Variants in AHNAK2 observed in about 807,000 individuals in gnomAD.
The protein encoded by AHNAK2 is protein AHNAK2.
A neutral mutation model predicts 30.7 loss-of-function variants in AHNAK2; 18 were observed. The observed-to-expected ratio is 0.59, with a 90% CI of 0.41 to 0.87. The LOEUF (loss-of-function observed/expected upper bound fraction) is 0.87. Among genes scored for constraint, AHNAK2 ranks in the 40% least tolerant of loss-of-function variants. AHNAK2 has a pLI of 0.00. For missense variants in AHNAK2, 8,604 were observed against 7,373.0 expected (o/e 1.17, Z -6.11); for synonymous variants, 3,590 against 3,073.8 (o/e 1.17, Z -5.56).
Position 104,938,417 on chromosome 14 carries a change from C to A in AHNAK2, c.17034G>T (p.Gln5678His). ...DVQRSAPIQT[Q>H]PEARPEAELP... The stretch of plus-strand genomic sequence containing the variant: ...GTTCTGCCTCTGGTCGTGCCTCAGG[C>A]TGTGTTTGAATGGGAGCAGATCTCT... The change falls in exon 7 of 7, where the codon CAG becomes CAT. Residue 5678 changes from glutamine (Q) to histidine (H), a missense_variant. Gln to His is a conservative substitution (Grantham distance 24). Transcript: ENST00000333244. The A allele has an allele frequency of 1.9e-6, 3 of 1,613,926 alleles. No individual in the cohort carries two copies. Among genetic ancestry groups the A allele is most frequent in the Non-Finnish European group, 2.5e-6 (3 of 1,179,874 alleles).
At chr14:104,967,619 C>T (rs886066774) in intron 1 of AHNAK2, among the ~76,000 whole-genome samples, 5 of 152,236 alleles carry the variant, frequency 3.3e-5, no homozygotes, top group Admixed American at 6.5e-5. Context: ...GCACTGGGAG[C>T]GGCTGTTCCT....
rs1357374436 is a variant in AHNAK2 at position 104,947,985 on chromosome 14, T to C, written c.7466A>G (p.Lys2489Arg). The C allele has an allele frequency of 1.6e-5, 25 of 1,612,266 alleles. No individual in the cohort carries two copies. The highest frequency in any genetic ancestry group is 2.0e-5 in the Non-Finnish European group (24 of 1,179,522). Reference sequence around the variant, plus strand: ...GGCAGACACCCCGAATGACGGCATCTTGAACTTGGGAATTTTGAACCTGCT... The same window carrying C: ...GGCAGACACCCCGAATGACGGCATCCTGAACTTGGGAATTTTGAACCTGCT... ...KDSRFKIPKF[K>R]MPSFGVSAPG... Residue 2489 changes from lysine (K) to arginine (R), a missense_variant, in exon 7 of 7, where the codon AAG becomes AGG. Transcript: ENST00000333244.
rs373901683 is a variant in AHNAK2, at chr14:104,949,431, A to G, written c.6020T>C (p.Ile2007Thr). The change falls in exon 7 of 7, where the codon ATC (isoleucine) becomes ACC (threonine). Residue 2007 changes from isoleucine to threonine, a missense_variant. Physicochemically the swap from Ile to Thr is moderately conservative, Grantham distance 89. Coordinates refer to ENST00000333244, the MANE Select transcript of AHNAK2 (RefSeq NM_138420.4). ...SFGVSAPGRS[I>T]EASVDVPAPK... Reference sequence around the variant, plus strand: ...TGCAGGCACATCCACCGAGGCCTCGATGGACCTCCCTGGGGCCGATACCCC... The same window carrying G: ...TGCAGGCACATCCACCGAGGCCTCGGTGGACCTCCCTGGGGCCGATACCCC... 71 of 1,586,798 alleles carry G rather than the reference A, an allele frequency of 4.5e-5. 3 individuals carry two copies. The Middle Eastern group carries it at 1.0e-3, about 22-fold the overall frequency.
Position 104,939,647 on chromosome 14 carries a change from A to G in AHNAK2, c.15804T>C (p.Ile5268=), listed in dbSNP as rs773577851. 1 of 1,613,898 alleles carries G rather than the reference A, an allele frequency of 6.2e-7. No individual in the cohort carries two copies. Among genetic ancestry groups the G allele is most frequent in the Non-Finnish European group, 8.5e-7 (1 of 1,179,906 alleles). The part of the protein sequence containing the change: ...TASESKSSTD[I]LRCDLDSTGL... ...CTGTGCTGTCAAGATCACACCTTAG[A>G]ATATCTGTGGATGATTTGCTCTCAG... is the stretch of plus-strand genomic sequence containing the variant. Residue 5268 remains isoleucine (I), a synonymous_variant, in exon 7 of 7, where the codon ATT becomes ATC. Transcript: ENST00000333244.
intron 4 of AHNAK2, 113 bp from the exon 5 acceptor site, chr14:104,955,746 C>T: frequency 1.4e-6 from 2 of 1,404,852 alleles, no homozygotes; most frequent in South Asian, 1.4e-5. Flanking sequence ...TTTCCATCAG[C>T]CCAGACAACA....
chr14:104,963,091 A>G (rs933946234), intron 1 of AHNAK2, among the ~76,000 whole-genome samples: 4 of 152,244 alleles, frequency 2.6e-5, no homozygotes, highest in African/African-American at 9.6e-5. Context: ...TATCTGGCAA[A>G]GGACTTGCAT....
rs1167150250 is a variant in AHNAK2, at chr14:104,938,911, G to T, written c.16540C>A (p.Pro5514Thr). 6.2e-7 allele frequency: 1 copy of T among 1,613,696 alleles called. No homozygotes were observed. The change falls in exon 7 of 7, where the codon CCT (proline) becomes ACT (threonine). Residue 5514 changes from proline (P) to threonine (T), a missense_variant. Coordinates refer to ENST00000333244, the MANE Select transcript of AHNAK2 (RefSeq NM_138420.4). The stretch of plus-strand genomic sequence containing the variant: ...TTTAATAAGGAAAATCCGTACGAAG[G>T]TGTTTGAATCTCTGACGTGGGGATC... ...SEIPTSEIQT[P>T]SYGFSLLKVK...
chr14:104,951,965 C>G lies in AHNAK2; in HGVS notation c.3486G>C (p.Arg1162Ser). 1.9e-6 allele frequency: 3 copies of G among 1,612,184 alleles called. 1 individual carries two copies. The highest frequency in any genetic ancestry group is 2.5e-6 in the Non-Finnish European group (3 of 1,179,362). Residue 1162 changes from arginine (R) to serine (S), a missense_variant, in exon 7 of 7, where the codon AGG (arginine) becomes AGC (serine). By Grantham distance (110) the Arg-to-Ser change is moderately radical. Transcript: ENST00000333244. ...GCATCTTGAACTTGGGCATTTTGAA[C>G]CTGCTGTCTTTGGCAGTCACATCCT... Reference protein sequence around the residue: ...ADKDVTAKDSRFKMPKFKMPS... With the variant: ...ADKDVTAKDSSFKMPKFKMPS...
In AHNAK2 at chr14:104,950,075, G is replaced by T. The variant is rs187143773; in HGVS notation, c.5376C>A (p.Asp1792Glu). The change falls in exon 7 of 7, where the codon GAC (aspartate) becomes GAA (glutamate). Residue 1792 changes from aspartate (D) to glutamate (E), a missense_variant. Transcript: ENST00000333244. Reference sequence around the variant, plus strand: ...CCAGCTTGGCTCCTGGAGCCTCGACGTCCACCTCCACGCTGGGCAGAGACA... The same window carrying T: ...CCAGCTTGGCTCCTGGAGCCTCGACTTCCACCTCCACGCTGGGCAGAGACA... ...VEVSLPSVEV[D>E]VEAPGAKLDS... is the part of the protein sequence containing the mutation. The T allele has an allele frequency of 2.5e-5, 40 of 1,585,400 alleles. 8 individuals are homozygous for T. The African/African-American group carries it at 5.3e-4, about 21-fold the overall frequency.
In AHNAK2 at chr14:104,946,199, C is replaced by G; in HGVS notation, c.9252G>C (p.Lys3084Asn). The G allele has an allele frequency of 4.4e-6, 7 of 1,597,486 alleles. No individual in the cohort carries two copies. The highest frequency in any genetic ancestry group is 6.0e-6 in the Non-Finnish European group (7 of 1,172,284). Residue 3084 changes from lysine (K) to asparagine (N), a missense_variant, in exon 7 of 7, where the codon AAG (lysine) becomes AAC (asparagine). Lys to Asn is a moderately conservative substitution (Grantham distance 94). Transcript: ENST00000333244. ...GGCCTTTCAGGTCCAGCTTGGGGCC[C>G]TTGACATCTATCTGGGGTCCCTTGC... ...VDRKGPQIDV[K>N]GPKLDLKGPK... is the part of the protein sequence containing the mutation.
At position 104,942,828 on chromosome 14, in the gene AHNAK2, T is replaced by A. The variant is rs1361901424; in HGVS notation, c.12623A>T (p.Lys4208Met). The part of the protein sequence containing the change: ...DVKLPEGPLP[K>M]GAGLKGHLPK... Reference sequence around the variant, plus strand: ...GAGGTGCCCTTTGAGGCCGGCTCCCTTGGGCAGGGGGCCCTCCGGGAGTTT... The same window carrying A: ...GAGGTGCCCTTTGAGGCCGGCTCCCATGGGCAGGGGGCCCTCCGGGAGTTT... Residue 4208 changes from lysine (K) to methionine (M), a missense_variant, in exon 7 of 7, where the codon AAG becomes ATG. Physicochemically the swap from Lys to Met is moderately conservative, Grantham distance 95. Transcript: ENST00000333244. 6.2e-7 allele frequency: 1 copy of A among 1,612,702 alleles called. No homozygotes were observed. Among genetic ancestry groups the A allele is most frequent in the East Asian group, 2.2e-5 (1 of 44,698 alleles).
In AHNAK2 at chr14:104,941,442, G is replaced by T; in HGVS notation, c.14009C>A (p.Ser4670Tyr). The change falls in exon 7 of 7, where the codon TCT becomes TAT. Residue 4670 changes from serine (S) to tyrosine (Y), a missense_variant. Ser to Tyr is a moderately radical substitution (Grantham distance 144, BLOSUM62 -2). Coordinates refer to ENST00000333244, the MANE Select transcript of AHNAK2 (RefSeq NM_138420.4). ...ATGAAGATCACCTTCATGAACAACA[G>T]ATTCCACAATGGGAAATGTGGAAGT... Reference protein sequence around the residue: ...EKTSTFPIVESVVHEGDLHDP... With the variant: ...EKTSTFPIVEYVVHEGDLHDP... 1 of 1,612,788 alleles carries T rather than the reference G, an allele frequency of 6.2e-7. No individual in the cohort carries two copies. Among genetic ancestry groups the T allele is most frequent in the Non-Finnish European group, 8.5e-7 (1 of 1,179,450 alleles).
chr14:104,952,725 C>A lies in AHNAK2; in HGVS notation c.2726G>T (p.Gly909Val). The A allele has an allele frequency of 3.7e-6, 6 of 1,612,986 alleles. No homozygotes were observed. The highest frequency in any genetic ancestry group is 1.7e-5 in the Admixed American group (1 of 59,986). The part of the protein sequence containing the change: ...VKLPEGPVPE[G>V]AGPKVHLPKV... Reference sequence around the variant, plus strand: ...GGGCAGGTGCACTTTGGGGCCGGCTCCCTCGGGCACAGGGCCCTCCGGAAG... The same window carrying A: ...GGGCAGGTGCACTTTGGGGCCGGCTACCTCGGGCACAGGGCCCTCCGGAAG... The change falls in exon 7 of 7, where the codon GGA (glycine) becomes GTA (valine). Residue 909 changes from glycine (G) to valine (V), a missense_variant. By Grantham distance (109) the Gly-to-Val change is moderately radical (BLOSUM62 -3). Coordinates refer to ENST00000333244, the MANE Select transcript of AHNAK2 (RefSeq NM_138420.4).
In AHNAK2 at chr14:104,947,410, C is replaced by T. The variant is rs775612687; in HGVS notation, c.8041G>A (p.Asp2681Asn). ...VDVSELKVEADMSLPSMQGDL... is the reference protein window; with the variant it reads ...VDVSELKVEANMSLPSMQGDL... ...CCTTGCATGGAGGGGAGGCTCATGT[C>T]GGCTTCCACCTTCAGCTCAGACACA... The change falls in exon 7 of 7, where the codon GAC becomes AAC. Residue 2681 changes from aspartate (D) to asparagine (N), a missense_variant. Coordinates refer to ENST00000333244, the MANE Select transcript of AHNAK2 (RefSeq NM_138420.4). 11 of 1,612,584 alleles carry T rather than the reference C, an allele frequency of 6.8e-6. No individual in the cohort carries two copies. The East Asian group carries it at 8.9e-5, about 13-fold the overall frequency.
rs760561098 is a variant in AHNAK2, at chr14:104,945,349, G to T, written c.10102C>A (p.Gln3368Lys). The change falls in exon 7 of 7, where the codon CAG (glutamine) becomes AAG (lysine). Residue 3368 changes from glutamine to lysine, a missense_variant. Coordinates refer to ENST00000333244, the MANE Select transcript of AHNAK2 (RefSeq NM_138420.4). ...IQLPSVDLEV[Q>K]AGQVDVKLPE... ...AGCTTCACGTCCACCTGGCCAGCCT[G>T]GACCTCCAGGTCCACAGAAGGGAGC... The T allele has an allele frequency of 4.3e-6, 7 of 1,612,544 alleles. No individual in the cohort carries two copies. The highest frequency in any genetic ancestry group is 1.3e-5 in the African/African-American group (1 of 74,492).
chr14:104,942,042 A>C lies in AHNAK2; in HGVS notation c.13409T>G (p.Met4470Arg), dbSNP rs572124955. The C allele has an allele frequency of 2.5e-6, 4 of 1,611,212 alleles. No homozygotes were observed. Among genetic ancestry groups the C allele is most frequent in the Non-Finnish European group, 3.4e-6 (4 of 1,179,168 alleles). The change falls in exon 7 of 7, where the codon ATG (methionine) becomes AGG (arginine). Residue 4470 changes from methionine to arginine, a missense_variant. Physicochemically the swap from Met to Arg is moderately conservative, Grantham distance 91 (BLOSUM62 -1). Coordinates refer to ENST00000333244, the MANE Select transcript of AHNAK2 (RefSeq NM_138420.4). ...TGGGGACAACATCCCAAAGGATGGC[A>C]TCTTGAACTTGGGCATTTTGAACTT... ...DSKFKMPKFKMPSFGMLSPGK... is the reference protein window; with the variant it reads ...DSKFKMPKFKRPSFGMLSPGK...
rs1268301554 is a variant in AHNAK2, at chr14:104,947,898, C to T, written c.7553G>A (p.Ser2518Asn). 5 of 1,612,754 alleles carry T rather than the reference C, an allele frequency of 3.1e-6. No individual in the cohort carries two copies. The South Asian group carries it at 5.5e-5, about 18-fold the overall frequency. Reference sequence around the variant, plus strand: ...GAGGTCCCCCTGCATGGAGGAGAGGCTCCCGTCGGCCTCCACCTTCGGCGC... The same window carrying T: ...GAGGTCCCCCTGCATGGAGGAGAGGTTCCCGTCGGCCTCCACCTTCGGCGC... ...VSAPKVEADGSLSSMQGDLKA... is the reference protein window; with the variant it reads ...VSAPKVEADGNLSSMQGDLKA... Residue 2518 changes from serine to asparagine, a missense_variant, in exon 7 of 7, where the codon AGC (serine) becomes AAC (asparagine). Transcript: ENST00000333244.
In AHNAK2 at chr14:104,944,827, G is replaced by C. The variant is rs1435510307; in HGVS notation, c.10624C>G (p.Leu3542Val). The stretch of plus-strand genomic sequence containing the variant: ...GCTCCCTCGGGCACGGGGCCCTCCA[G>C]GAGTTCCACATCCACTTGGACAGCC... Reference protein sequence around the residue: ...VQAVQVDVELLEGPVPEGAGL... With the variant: ...VQAVQVDVELVEGPVPEGAGL... Residue 3542 changes from leucine (L) to valine (V), a missense_variant, in exon 7 of 7, where the codon CTG becomes GTG. By Grantham distance (32) the Leu-to-Val change is conservative. Transcript: ENST00000333244. 2 of 1,612,920 alleles carry C rather than the reference G, an allele frequency of 1.2e-6. No homozygotes were observed. The highest frequency in any genetic ancestry group is 3.3e-5 in the Admixed American group (2 of 59,946).
chr14:104,941,051 G>A lies in AHNAK2; in HGVS notation c.14400C>T (p.Pro4800=). ...VTLTKYQVTV[P]RAALAPELAL... ...CAAGCTCAGGGGCCAAGGCAGCTCTGGGAACAGTCACCTGGTATTTTGTAA... is the reference window on the plus strand; with the variant it reads ...CAAGCTCAGGGGCCAAGGCAGCTCTAGGAACAGTCACCTGGTATTTTGTAA... The change falls in exon 7 of 7, where the codon CCC becomes CCT. Residue 4800 remains proline (P), a synonymous_variant. Coordinates refer to ENST00000333244, the MANE Select transcript of AHNAK2 (RefSeq NM_138420.4). The A allele has an allele frequency of 6.2e-7, 1 of 1,613,630 alleles. No individual in the cohort carries two copies. Among genetic ancestry groups the A allele is most frequent in the Non-Finnish European group, 8.5e-7 (1 of 1,179,888 alleles).
Sources: gnomAD v4.1 joint callset for allele counts (sites outside exome capture counted in the v4.1 genomes callset) on GRCh38, gnomAD v4.1.1 for gene constraint, MANE v1.5 for transcripts, NCBI Gene and HGNC (gene_info 2026-07-23, HGNC 2026-07-21) for gene names.